GPC5: variants seen among roughly 807,000 people sequenced by gnomAD.
The protein encoded by GPC5 is glypican-5.
Under a neutral mutation model 53.9 loss-of-function variants are expected in GPC5, and 47 were observed. That is an observed-to-expected ratio of 0.87 (90% confidence interval 0.69 to 1.11). The LOEUF is 1.11. Ranked by LOEUF, GPC5 falls within the 50% of genes most tolerant of loss-of-function variation. GPC5 has a pLI of 0.00. For missense variants in GPC5, 748 were observed against 713.1 expected (o/e 1.05, Z -0.56); for synonymous variants, 286 against 263.3 (o/e 1.09, Z -0.84).
At chr13:92,694,252 G>C (rs536122205) in intron 7 of GPC5, among the ~76,000 whole-genome samples, 2 of 152,176 alleles carry the variant, frequency 1.3e-5, no homozygotes, top group Admixed American at 1.3e-4. Context: ...TGTGTAGGTT[G>C]TTTCTCCTAA....
Position 92,454,626 on chromosome 13 carries a change from C to G in GPC5, c.1561+309637C>G, listed in dbSNP as rs373104094. 1.4e-4 allele frequency among the ~76,000 whole-genome samples: 22 copies of G among 152,176 alleles called. 1 individual carries two copies. Among genetic ancestry groups the G allele is most frequent in the African/African-American group, 5.3e-4 (22 of 41,436 alleles). On this transcript the variant is annotated intron_variant, in intron 7 of 7. Transcript: ENST00000377067. ...AGACAAGATAGATGTGATCCCTGCC[C>G]TCAAGGAGCTTTCACTCTAGTGAGA...
intron 7 of GPC5, among the ~76,000 whole-genome samples, chr13:92,801,537 G>A (rs1054778933): frequency 4.0e-5 from 6 of 151,616 alleles, no homozygotes; most frequent in African/African-American, 1.2e-4. Flanking sequence ...TGTTATTTTA[G>A]AGTGTACTCC....
chr13:92,477,073 AT>A (rs2139428849), intron 7 of GPC5, among the ~76,000 whole-genome samples: 1 of 151,554 alleles, frequency 6.6e-6, no homozygotes, highest in African/African-American at 2.4e-5. Context: ...AAATAAATAA[AT>A]AAATAAAAAG....
chr13:91,611,439 C>G (rs1454261669), intron 2 of GPC5, among the ~76,000 whole-genome samples: 1 of 152,172 alleles, frequency 6.6e-6, no homozygotes, highest in African/African-American at 2.4e-5. Flanking sequence ...AATTTCTCAC[C>G]TCCAGACCCA....
At chr13:92,629,123 G>C (rs1380194529) in intron 7 of GPC5, among the ~76,000 whole-genome samples, 1 of 152,186 alleles carries the variant, frequency 6.6e-6, no homozygotes, top group Admixed American at 6.5e-5. Context: ...CAAGGAATGA[G>C]ATGCCAGGAG....
At chr13:92,089,284 A>T (rs989437307) in intron 6 of GPC5, among the ~76,000 whole-genome samples, 1 of 152,146 alleles carries the variant, frequency 6.6e-6, no homozygotes, top group Admixed American at 6.5e-5. Context: ...AATACAAAAA[A>T]TTAGCCAGGC....
intron 4 of GPC5, among the ~76,000 whole-genome samples, chr13:91,751,670 G>T (rs960663501): frequency 6.6e-6 from 1 of 152,212 alleles, no homozygotes; most frequent in African/African-American, 2.4e-5. Flanking sequence ...CCAAGCGCCT[G>T]TGTGCCCAGA....
intron 5 of GPC5, among the ~76,000 whole-genome samples, chr13:91,835,757 A>T (rs1340248510): frequency 6.6e-6 from 1 of 152,028 alleles, no homozygotes; most frequent in East Asian, 1.9e-4. Flanking sequence ...GAGGGGAGGG[A>T]TAGAATTAGG....
chr13:92,772,289 A>G (rs936427675), intron 7 of GPC5, among the ~76,000 whole-genome samples: 1 of 152,108 alleles, frequency 6.6e-6, no homozygotes, highest in Non-Finnish European at 1.5e-5. Context: ...GAAATTTCCA[A>G]CGTCATCTCA....
chr13:92,818,636 A>G (rs1877567079), intron 7 of GPC5, among the ~76,000 whole-genome samples: 1 of 151,910 alleles, frequency 6.6e-6, no homozygotes, highest in Admixed American at 6.5e-5. Context: ...TCTGGCTCCG[A>G]TATTCTTTAA....
intron 6 of GPC5, among the ~76,000 whole-genome samples, chr13:91,929,392 T>C (rs1264539572): frequency 6.6e-6 from 1 of 152,092 alleles, no homozygotes; most frequent in Non-Finnish European, 1.5e-5. Context: ...CATATCTTAA[T>C]TTTCTTCTTT....
intron 2 of GPC5, among the ~76,000 whole-genome samples, chr13:91,661,506 T>C (rs954808405): frequency 1.3e-5 from 2 of 152,268 alleles, no homozygotes; most frequent in Admixed American, 1.3e-4. Context: ...CAATTATGCT[T>C]GTTGCATTGC....
chr13:91,514,495 T>A (rs1885393270), intron 2 of GPC5, among the ~76,000 whole-genome samples: 2 of 152,198 alleles, frequency 1.3e-5, no homozygotes, highest in African/African-American at 4.8e-5. Flanking sequence ...TAGATTTTTT[T>A]TGCTATCAAG....
chr13:91,723,041 A>C (rs7329162), intron 3 of GPC5, among the ~76,000 whole-genome samples: 5,854 of 152,178 alleles, frequency 0.038, 351 homozygotes, highest in African/African-American at 0.13. Context: ...TATGGTTATA[A>C]CTTTTATATG....
chr13:92,125,685 A>T (rs1472271498), intron 6 of GPC5, among the ~76,000 whole-genome samples: 1 of 152,120 alleles, frequency 6.6e-6, no homozygotes, highest in Non-Finnish European at 1.5e-5. Context: ...TGATTTAACA[A>T]TTACTTTCTG....
intron 2 of GPC5, among the ~76,000 whole-genome samples, chr13:91,455,323 G>T (rs919612736): frequency 6.6e-6 from 1 of 151,946 alleles, no homozygotes; most frequent in African/African-American, 2.4e-5. Context: ...TCACTCTAGT[G>T]GTTTGTGTGC....
intron 1 of GPC5, among the ~76,000 whole-genome samples, chr13:91,400,310 A>G (rs1469483105): frequency 3.3e-5 from 5 of 152,176 alleles, no homozygotes; most frequent in African/African-American, 1.2e-4. Flanking sequence ...TGCTTTGCTC[A>G]ATTTTAAGTC....
chr13:91,800,351 A>G (rs1358032864), intron 5 of GPC5, among the ~76,000 whole-genome samples: 1 of 152,076 alleles, frequency 6.6e-6, no homozygotes. Context: ...TGTCTCTCTC[A>G]TCTAGTTTTC....
chr13:92,347,473 T>G (rs2043423049), intron 7 of GPC5, among the ~76,000 whole-genome samples: 1 of 151,946 alleles, frequency 6.6e-6, no homozygotes, highest in Non-Finnish European at 1.5e-5. Context: ...AATAGAAACT[T>G]TCCCAGAAAA....
Sources: gnomAD v4.1 joint callset for allele counts (sites outside exome capture counted in the v4.1 genomes callset) on GRCh38, gnomAD v4.1.1 for gene constraint, MANE v1.5 for transcripts, NCBI Gene and HGNC (gene_info 2026-07-23, HGNC 2026-07-21) for gene names.